FBXL13: variants seen among roughly 807,000 people sequenced by gnomAD.
The protein encoded by FBXL13 is F-box and leucine-rich repeat protein 13.
FBXL13 carries 67 observed loss-of-function variants against 83.6 expected under a neutral mutation model. The ratio of observed to expected loss-of-function variants is 0.80; its 90% CI spans 0.66 to 0.98. The LOEUF (loss-of-function observed/expected upper bound fraction) is 0.98, where lower values mean the gene tolerates loss of function less well. FBXL13 is among the 50% of genes least tolerant of loss of function. FBXL13 has a pLI of 0.00. For synonymous variants in FBXL13, 272 were observed against 299.5 expected, an observed-to-expected ratio of 0.91 and a Z score of 0.95; for missense variants, 822 against 866.5, an observed-to-expected ratio of 0.95 and a Z score of 0.64.
intron 17 of FBXL13, among the ~76,000 whole-genome samples, chr7:102,838,958 AAAGAGGAAGGCCTCTTGCAGTTGAGAT>A (rs1359687321): frequency 1.8e-4 from 27 of 152,318 alleles, no homozygotes; most frequent in East Asian, 1.5e-3. Flanking sequence ...GAGGATAGTA[AAAGAGGAAGGCCTCTTGCAGTTGAGAT>A]AAGAGGAAGG....
intron 6 of FBXL13, among the ~76,000 whole-genome samples, chr7:102,983,192 G>A (rs1374680043): frequency 6.6e-6 from 1 of 152,048 alleles, no homozygotes; most frequent in Non-Finnish European, 1.5e-5. Context: ...CTGCCTCAGT[G>A]GAGGCCATTA....
At chr7:103,006,401 A>G (rs543741023) in intron 6 of FBXL13, among the ~76,000 whole-genome samples, 1 of 152,250 alleles carries the variant, frequency 6.6e-6, no homozygotes, top group Non-Finnish European at 1.5e-5. Flanking sequence ...CTGAGTCACT[A>G]GTACAGTTCA....
intron 16 of FBXL13, among the ~76,000 whole-genome samples, chr7:102,861,699 A>G (rs1414991710): frequency 6.6e-6 from 1 of 152,204 alleles, no homozygotes; most frequent in Non-Finnish European, 1.5e-5. Flanking sequence ...TTATATCTGC[A>G]GGCCGGGCGC....
intron 10 of FBXL13, among the ~76,000 whole-genome samples, chr7:102,918,017 A>G (rs189886356): frequency 1.3e-5 from 2 of 152,358 alleles, no homozygotes; most frequent in African/African-American, 4.8e-5. Flanking sequence ...CATTGTTGCC[A>G]AGGACAAACA....
intron 15 of FBXL13, 150 bp from the exon 17 acceptor site, chr7:102,877,743 T>C: frequency 1.4e-6 from 1 of 720,878 alleles, no homozygotes; most frequent in Non-Finnish European, 2.2e-6. Flanking sequence ...AAGTAGAAAG[T>C]AATTTGACAT....
chr7:102,932,094 T>A (rs1819290419), intron 8 of FBXL13, among the ~76,000 whole-genome samples, 161 bp from the exon 10 acceptor site: 1 of 152,160 alleles, frequency 6.6e-6, no homozygotes, highest in East Asian at 1.9e-4. Flanking sequence ...GAAAAATGGC[T>A]TTTTTGGGCT....
At position 102,883,417 on chromosome 7, in the gene FBXL13, G is replaced by A. The variant is rs779469571; in HGVS notation, c.1276C>T (p.Pro426Ser). The change falls in exon 14 of 20, where the codon CCA becomes TCA. Residue 426 changes from proline to serine, a missense_variant. Transcript: ENST00000313221. ...GCCATATAAATGTGACTGAGATTTG[G>A]ATAATTCTTGTCTATAAATTTGAAG... 7 of 1,613,508 alleles carry A rather than the reference G, an allele frequency of 4.3e-6. No homozygotes were observed. The Admixed American group carries it at 6.7e-5, about 15-fold the overall frequency.
chr7:102,886,961 T>C (rs1266570548), intron 11 of FBXL13, among the ~76,000 whole-genome samples: 1 of 152,208 alleles, frequency 6.6e-6, no homozygotes, highest in East Asian at 1.9e-4. Flanking sequence ...TCTATTGTGC[T>C]ACAGAAGCCA....
chr7:102,835,290 T>C (rs960759017), intron 17 of FBXL13, among the ~76,000 whole-genome samples: 1 of 152,202 alleles, frequency 6.6e-6, no homozygotes, highest in Non-Finnish European at 1.5e-5. Flanking sequence ...AGGAGATAGC[T>C]TGGGACCTGT....
chr7:102,896,641 C>T (rs1812286564), intron 11 of FBXL13, among the ~76,000 whole-genome samples: 1 of 152,136 alleles, frequency 6.6e-6, no homozygotes, highest in Admixed American at 6.5e-5. Flanking sequence ...AAGGATTTGT[C>T]CCAGGCCCCT....
chr7:102,957,927 C>G (rs1465484889), intron 8 of FBXL13, among the ~76,000 whole-genome samples: 1 of 152,156 alleles, frequency 6.6e-6, no homozygotes, highest in Non-Finnish European at 1.5e-5. Context: ...AATGCTTTTA[C>G]ATCGTTGGTT....
intron 1 of FBXL13, among the ~76,000 whole-genome samples, chr7:103,066,417 A>G (rs962509141): frequency 1.3e-5 from 2 of 150,210 alleles, no homozygotes; most frequent in African/African-American, 4.9e-5. Context: ...TTTGAGACAG[A>G]GTCTTACTCT....
chr7:102,981,434 G>C (rs1533999), intron 6 of FBXL13, among the ~76,000 whole-genome samples: 148,260 of 152,160 alleles, frequency 0.97, 72,376 homozygotes, highest in East Asian at 1. Flanking sequence ...TTCTGACATT[G>C]CACACAGGCC....
chr7:102,842,609 G>A (rs1435272079), intron 17 of FBXL13, among the ~76,000 whole-genome samples: 1 of 152,216 alleles, frequency 6.6e-6, no homozygotes, highest in Non-Finnish European at 1.5e-5. Flanking sequence ...AGTTCTTGCT[G>A]TTAGAGCACA....
intron 17 of FBXL13, among the ~76,000 whole-genome samples, chr7:102,833,462 T>C (rs144062272): frequency 1.2e-3 from 179 of 151,180 alleles, no homozygotes; most frequent in Non-Finnish European, 2.1e-3. Flanking sequence ...TTGAGAGTCT[T>C]CCTCTGTTGC....
At chr7:103,041,925 C>T (rs1157196582) in intron 2 of FBXL13, among the ~76,000 whole-genome samples, 4 of 152,166 alleles carry the variant, frequency 2.6e-5, no homozygotes, top group African/African-American at 7.2e-5. Context: ...GACAAGGATG[C>T]CCTCTCTCAA....
At chr7:102,919,619 A>G (rs573870076) in intron 10 of FBXL13, among the ~76,000 whole-genome samples, 83 of 152,346 alleles carry the variant, frequency 5.4e-4, no homozygotes, top group African/African-American at 1.9e-3. Flanking sequence ...ACAAAAAATC[A>G]TGCTAGCTTC....
At chr7:102,909,865 G>C (rs74411169) in intron 11 of FBXL13, among the ~76,000 whole-genome samples, 1 of 152,138 alleles carries the variant, frequency 6.6e-6, no homozygotes, top group African/African-American at 2.4e-5. Flanking sequence ...TGGTTGAGGG[G>C]CAATGCCAGT....
chr7:102,886,688 A>C (rs1810839512), intron 11 of FBXL13, among the ~76,000 whole-genome samples: 1 of 152,230 alleles, frequency 6.6e-6, no homozygotes, highest in Admixed American at 6.5e-5. Context: ...ATATTATTAC[A>C]TGAATAAATG....
Sources: gnomAD v4.1 joint callset for allele counts (sites outside exome capture counted in the v4.1 genomes callset) on GRCh38, gnomAD v4.1.1 for gene constraint, MANE v1.5 for transcripts, NCBI Gene and HGNC (gene_info 2026-07-23, HGNC 2026-07-21) for gene names.